Variants in ZDHHC11 observed in about 807,000 individuals in gnomAD.
ZDHHC11 encodes palmitoyltransferase ZDHHC11.
Under a neutral mutation model 51.3 loss-of-function variants are expected in ZDHHC11, and 44 were observed. The ratio of observed to expected loss-of-function variants is 0.86; its 90% CI spans 0.67 to 1.10. The LOEUF (loss-of-function observed/expected upper bound fraction) is 1.10. Ranked by LOEUF, ZDHHC11 falls within the 50% of genes least tolerant of loss-of-function variation. The pLI is 0.00. For missense variants in ZDHHC11, 400 were observed against 537.7 expected (o/e 0.74, Z 2.53); for synonymous variants, 163 against 222.0 (o/e 0.73, Z 2.36).
At chr5:800,188 C>A (rs1428703124) in intron 12 of ZDHHC11, among the ~76,000 whole-genome samples, 1 of 151,078 alleles carries the variant, frequency 6.6e-6, no homozygotes. Flanking sequence ...CTGCCTGGAG[C>A]ACAGGAACTC....
chr5:835,144 TA>T (rs1360291607), intron 6 of ZDHHC11, among the ~76,000 whole-genome samples: 2 of 151,212 alleles, frequency 1.3e-5, no homozygotes, highest in Non-Finnish European at 3.0e-5. Context: ...AGAAGTGTTC[TA>T]TGTTCAGCTT....
At chr5:845,474 A>T (rs1745991749) in intron 3 of ZDHHC11, among the ~76,000 whole-genome samples, 1 of 152,194 alleles carries the variant, frequency 6.6e-6, no homozygotes, top group Admixed American at 6.5e-5. Flanking sequence ...TGGTTAGCAC[A>T]GCCTCCTGCC....
At chr5:805,324 G>A (rs1427459528) in intron 11 of ZDHHC11, among the ~76,000 whole-genome samples, 1 of 150,730 alleles carries the variant, frequency 6.6e-6, no homozygotes, top group African/African-American at 2.4e-5. Context: ...TGTAGTCCTA[G>A]TTACTTGGAA....
chr5:856,712 TACCACACAGGG>T (rs888184273), intron 1 of ZDHHC11, among the ~76,000 whole-genome samples: 3 of 147,178 alleles, frequency 2.0e-5, no homozygotes, highest in African/African-American at 7.6e-5. Flanking sequence ...ACTCTCCCCA[TACCACACAGGG>T]ACCACACAAT....
At chr5:854,072 C>G (rs1368300135), upstream of ZDHHC11, among the ~76,000 whole-genome samples, 4 of 131,436 alleles carry the variant, frequency 3.0e-5, no homozygotes, top group Non-Finnish European at 1.6e-5. Context: ...CAGACCCCAC[C>G]GAGGACAGCG....
chr5:857,169 G>A (rs918304864), intron 1 of ZDHHC11, among the ~76,000 whole-genome samples: 33 of 152,200 alleles, frequency 2.2e-4, no homozygotes, highest in Non-Finnish European at 4.1e-4. Flanking sequence ...CCCTTAGCAC[G>A]ACTAAGGCTG....
intron 5 of ZDHHC11, chr5:840,023 G>A: frequency 3.4e-6 from 2 of 591,812 alleles, no homozygotes; most frequent in Non-Finnish European, 6.0e-6. Flanking sequence ...TGTGCCCACT[G>A]TGAGACCAAG....
chr5:838,626 T>C (rs1341425782), intron 5 of ZDHHC11, among the ~76,000 whole-genome samples: 1 of 152,152 alleles, frequency 6.6e-6, no homozygotes, highest in African/African-American at 2.4e-5. Context: ...GGCCTGGGCG[T>C]CCTGCCTCCC....
intron 7 of ZDHHC11, among the ~76,000 whole-genome samples, chr5:825,551 A>C (rs1420202751): frequency 6.6e-6 from 1 of 152,186 alleles, no homozygotes; most frequent in Admixed American, 6.5e-5. Flanking sequence ...CAGGTTCTGA[A>C]GAGTGATGGC....
chr5:824,793 T>A (rs1005056697), intron 8 of ZDHHC11, among the ~76,000 whole-genome samples: 4 of 150,604 alleles, frequency 2.7e-5, no homozygotes, highest in Non-Finnish European at 5.9e-5. Context: ...AAACAGCACA[T>A]GGCTTCTGCC....
chr5:809,073 A>T (rs1236380578), intron 11 of ZDHHC11, among the ~76,000 whole-genome samples: 2 of 148,198 alleles, frequency 1.3e-5, no homozygotes, highest in Non-Finnish European at 3.0e-5. Context: ...TTTTATTAAA[A>T]TTTCAAACAT....
At chr5:835,135 G>A (rs537213105) in intron 6 of ZDHHC11, among the ~76,000 whole-genome samples, 1 of 151,198 alleles carries the variant, frequency 6.6e-6, no homozygotes, top group Non-Finnish European at 1.5e-5. Context: ...CTTGTTTCTA[G>A]AAGTGTTCTA....
intron 4 of ZDHHC11, 72 bp from the exon 5 acceptor site, chr5:840,722 CCA>C (rs1744705201): frequency 3.1e-6 from 5 of 1,601,308 alleles, no homozygotes; most frequent in African/African-American, 1.3e-5. Context: ...ACGTCACAGA[CCA>C]GAGCGTGCTG....
chr5:844,226 G>A (rs549336283), intron 3 of ZDHHC11, among the ~76,000 whole-genome samples: 11 of 152,392 alleles, frequency 7.2e-5, no homozygotes, highest in Admixed American at 3.3e-4. Context: ...CAGGCCTCTC[G>A]CTGGAGAGGG....
chr5:843,062 C>T (rs1253342348), intron 4 of ZDHHC11, among the ~76,000 whole-genome samples: 1 of 152,298 alleles, frequency 6.6e-6, no homozygotes, highest in South Asian at 2.1e-4. Context: ...CGTGGACTCG[C>T]CTCTGGAGCC....
At chr5:855,964 C>G (rs780368826), upstream of ZDHHC11, among the ~76,000 whole-genome samples, 1 of 151,480 alleles carries the variant, frequency 6.6e-6, no homozygotes, top group African/African-American at 2.4e-5. Flanking sequence ...AGACAGTGAG[C>G]GAGGGGCACA....
chr5:859,482 C>G (rs558162604), upstream of ZDHHC11, among the ~76,000 whole-genome samples: 2 of 152,258 alleles, frequency 1.3e-5, no homozygotes, highest in East Asian at 3.9e-4. Context: ...CCTACAACAA[C>G]CAACAGGCGA....
intron 11 of ZDHHC11, among the ~76,000 whole-genome samples, chr5:810,451 A>G (rs1360349323): frequency 1.3e-5 from 2 of 151,516 alleles, no homozygotes; most frequent in African/African-American, 4.8e-5. Flanking sequence ...CACTAGAGAC[A>G]CTATAAATTC....
chr5:812,760 A>G (rs1167889826), intron 11 of ZDHHC11, among the ~76,000 whole-genome samples: 1 of 151,352 alleles, frequency 6.6e-6, no homozygotes, highest in African/African-American at 2.4e-5. Context: ...TGTTTGCAAA[A>G]CCTAAACTTG....
Sources: allele counts gnomAD v4.1 joint callset (sites outside exome capture counted in the v4.1 genomes callset), GRCh38; gene constraint gnomAD v4.1.1; transcripts MANE v1.5; gene names NCBI Gene and HGNC (gene_info 2026-07-23, HGNC 2026-07-21).